Variants in KLHL5 observed in about 807,000 individuals in gnomAD.
KLHL5 encodes kelch-like protein 5.
KLHL5 carries 48 observed loss-of-function variants against 77.7 expected under a neutral mutation model. The observed-to-expected ratio is 0.62, with a 90% CI of 0.49 to 0.79. The LOEUF (loss-of-function observed/expected upper bound fraction) is 0.79, where lower values mean the gene tolerates loss of function less well. KLHL5 is among the 30% of genes least tolerant of loss of function. The pLI is 0.00. For missense variants in KLHL5, 723 were observed against 859.7 expected (o/e 0.84, Z 1.99); for synonymous variants, 260 against 297.0 (o/e 0.88, Z 1.28).
In KLHL5 at chr4:39,048,638, C is replaced by CTTT. The variant is rs34713116; in HGVS notation, c.-95+3561_-95+3563dup. 1.8e-3 allele frequency among the ~76,000 whole-genome samples: 141 copies of CTTT among 79,142 alleles called. 17 individuals carry two copies. The highest frequency in any genetic ancestry group is 9.6e-3 in the Middle Eastern group (1 of 104). 51.9% of individuals were successfully genotyped at this position (79,142 alleles called of 152,430 possible). A position where few individuals can be genotyped will look rare whatever the true frequency, so the allele number is the denominator to read the frequency against. ...AAAGGATGTGGTGATTTTACATTGG[C>CTTT]TTTTTTTTTTTTTTTTTTTTTGGAG... On this transcript the variant is annotated intron_variant, in intron 1 of 11. Transcript: ENST00000261425.
intron 1 of KLHL5, among the ~76,000 whole-genome samples, chr4:39,047,831 C>A (rs1441647791): frequency 6.6e-6 from 1 of 152,176 alleles, no homozygotes; most frequent in African/African-American, 2.4e-5. Flanking sequence ...CATAAGCATT[C>A]CATAGCTATG....
intron 6 of KLHL5, among the ~76,000 whole-genome samples, chr4:39,098,226 AG>A (rs1021650001): frequency 6.6e-6 from 1 of 151,414 alleles, no homozygotes; most frequent in African/African-American, 2.4e-5. Flanking sequence ...ACTGAGTATT[AG>A]GGGTATAATG....
chr4:39,101,036 T>C (rs1721483161), intron 6 of KLHL5, among the ~76,000 whole-genome samples: 1 of 150,462 alleles, frequency 6.6e-6, no homozygotes, highest in Admixed American at 6.6e-5. Context: ...TTATAAAAGG[T>C]TAATTATTTG....
chr4:39,053,409 AAGAC>A (rs1716797565), intron 1 of KLHL5, among the ~76,000 whole-genome samples: 1 of 152,204 alleles, frequency 6.6e-6, no homozygotes, highest in East Asian at 1.9e-4. Context: ...AGCTACGTGA[AAGAC>A]AGAAACACTT....
chr4:39,126,887 G>A (rs948176711), downstream of KLHL5: 23 of 380,108 alleles, frequency 6.1e-5, no homozygotes, highest in Middle Eastern at 8.9e-4. Context: ...ATACATCTCC[G>A]GAATGAATGT....
At chr4:39,079,644 C>T (rs1719426935) in intron 2 of KLHL5, among the ~76,000 whole-genome samples, 1 of 152,136 alleles carries the variant, frequency 6.6e-6, no homozygotes, top group African/African-American at 2.4e-5. Flanking sequence ...CTTTTTTTCC[C>T]CTTAGCACTT....
intron 2 of KLHL5, among the ~76,000 whole-genome samples, chr4:39,079,533 A>G (rs1719413640): frequency 6.6e-6 from 1 of 152,186 alleles, no homozygotes. Flanking sequence ...AGATACCTGC[A>G]TGACCAAATC....
the KLHL5 span, among the ~76,000 whole-genome samples, chr4:39,139,097 C>T: frequency 6.6e-6 from 1 of 152,038 alleles, no homozygotes; most frequent in South Asian, 2.1e-4. Flanking sequence ...GCCTGTCCAA[C>T]ATGGTGAAAC....
At chr4:39,067,638 A>G (rs954483911) in intron 1 of KLHL5, among the ~76,000 whole-genome samples, 7 of 150,026 alleles carry the variant, frequency 4.7e-5, no homozygotes, top group Non-Finnish European at 5.9e-5. Flanking sequence ...AAGCTTGGCT[A>G]CATTACAAGT....
chr4:39,081,093 G>A lies in KLHL5; in HGVS notation c.567-10G>A. On this transcript the variant is annotated splice_polypyrimidine_tract_variant and intron_variant, in intron 2 of 10. Transcript: ENST00000504108. The surrounding 1 kb of genome is among the most constrained non-coding windows in gnomAD (Gnocchi z 4.3). ...GGTCATTGATTTTTTTTTTCCTAAT[G>A]TGTTCACAGATTGGTGCTCTCCTCT... The A allele has an allele frequency of 1.3e-6, 2 of 1,582,634 alleles. No individual in the cohort carries two copies. Among genetic ancestry groups the A allele is most frequent in the East Asian group, 2.3e-5 (1 of 44,370 alleles).
At chr4:39,096,985 A>G (rs1234676378) in intron 6 of KLHL5, 107 bp downstream of exon 6, 17 of 904,148 alleles carry the variant, frequency 1.9e-5, no homozygotes, top group Non-Finnish European at 2.6e-5. Flanking sequence ...GCTGCAGGAC[A>G]GGGGCAGAAA....
Position 39,103,593 on chromosome 4 carries a change from G to T in KLHL5, c.1525+82G>T, listed in dbSNP as rs552140952. On this transcript the variant is annotated intron_variant, in intron 7 of 10. Coordinates refer to ENST00000504108, the MANE Select transcript of KLHL5 (RefSeq NM_015990.5). ...ACATTCTGAACCAGGCAGAGGACCC[G>T]TGTGGCAGCCACTGCGTCAGCAGCA... 3.6e-5 allele frequency: 40 copies of T among 1,107,794 alleles called. No individual in the cohort carries two copies. The South Asian group carries it at 4.6e-4, about 13-fold the overall frequency. 68.6% of individuals were successfully genotyped at this position (1,107,794 alleles called of 1,614,324 possible).
At chr4:39,047,667 CCTT>C (rs1716301608) in intron 1 of KLHL5, among the ~76,000 whole-genome samples, 4 of 152,178 alleles carry the variant, frequency 2.6e-5, no homozygotes, top group Admixed American at 2.6e-4. Context: ...CTCTAGGGCA[CCTT>C]CTTCTGTGCT....
rs182817556 is a variant in KLHL5, at chr4:39,125,642, T to C, written c.*4576T>C. ...GTGCATTTATATGAAATATCCAAAATAGGCAAATCCATGGAGACAGAAAGC... is the reference window on the plus strand; with the variant it reads ...GTGCATTTATATGAAATATCCAAAACAGGCAAATCCATGGAGACAGAAAGC... On this transcript the variant is annotated 3_prime_UTR_variant, in exon 11 of 11. Transcript: ENST00000504108. 4.6e-4 allele frequency among the ~76,000 whole-genome samples: 70 copies of C among 152,220 alleles called. 1 individual carries two copies. The highest frequency in any genetic ancestry group is 4.5e-3 in the Admixed American group (69 of 15,284).
At position 39,113,219 on chromosome 4, in the gene KLHL5, G is replaced by C. The variant is rs1722587322; in HGVS notation, c.1888G>C (p.Asp630His). The C allele has an allele frequency of 6.2e-7, 1 of 1,613,660 alleles. No homozygotes were observed. The highest frequency in any genetic ancestry group is 8.5e-7 in the Non-Finnish European group (1 of 1,179,758). The change falls in exon 9 of 11, where the codon GAC becomes CAC. Residue 630 changes from aspartate (D) to histidine (H), a missense_variant. Asp to His is a moderately conservative substitution (Grantham distance 81). Around this residue, in one of 3 missense-constraint regions of KLHL5, gnomAD observed 214 missense variants for 237.4 expected, o/e 0.90. Transcript: ENST00000504108. Reference protein sequence around the residue: ...PASNLTSRLSDCVERYDPKTD... With the variant: ...PASNLTSRLSHCVERYDPKTD... ...ATCCAACTTGACTTCCAGACTCTCA[G>C]ACTGTGTGGAAAGGTAATTTCCTGG...
At position 39,096,794 on chromosome 4, in the gene KLHL5, C is replaced by A; in HGVS notation, c.1216C>A (p.Pro406Thr). Residue 406 changes from proline (P) to threonine (T), a missense_variant, in exon 6 of 11, where the codon CCC becomes ACC. Around this residue, in one of 3 missense-constraint regions of KLHL5, gnomAD observed 288 missense variants for 400.3 expected, o/e 0.72. Transcript: ENST00000504108. ...GTACCATTTATTACCAGAGAGACGA[C>A]CCATGTTACAAAGTCCTCGGACAAA... The part of the protein sequence containing the change: ...MKYHLLPERR[P>T]MLQSPRTKPR... The A allele has an allele frequency of 6.2e-7, 1 of 1,613,702 alleles. No homozygotes were observed. Among genetic ancestry groups the A allele is most frequent in the Non-Finnish European group, 8.5e-7 (1 of 1,179,698 alleles).
chr4:39,064,641 T>C (rs189165260), intron 1 of KLHL5, among the ~76,000 whole-genome samples: 2 of 152,256 alleles, frequency 1.3e-5, no homozygotes, highest in Admixed American at 1.3e-4. Flanking sequence ...TATACACACA[T>C]TGGTTGCTAT....
intron 1 of KLHL5, among the ~76,000 whole-genome samples, chr4:39,067,673 T>A (rs1718018154): frequency 2.3e-5 from 1 of 43,770 alleles, no homozygotes; most frequent in South Asian, 1.4e-3. Context: ...CACCCATAAC[T>A]CTTTTTTTTT....
chr4:39,132,329 C>G, the KLHL5 span, among the ~76,000 whole-genome samples: 1 of 152,160 alleles, frequency 6.6e-6, no homozygotes, highest in African/African-American at 2.4e-5. Flanking sequence ...AAACTCTAAA[C>G]TGGGCGTGTT....
Sources: gnomAD v4.1 joint callset for allele counts (sites outside exome capture counted in the v4.1 genomes callset) on GRCh38, gnomAD v4.1.1 for gene constraint, gnomAD v4.1.1 regional missense constraint, Gnocchi (gnomAD v3.1) non-coding constraint, MANE v1.5 for transcripts, NCBI Gene and HGNC (gene_info 2026-07-23, HGNC 2026-07-21) for gene names.